The following RRP12 variants were observed in gnomAD, a reference collection of about 807,000 sequenced individuals.
RRP12 encodes the protein ribosomal RNA processing 12 homolog.
RRP12 carries 78 observed loss-of-function variants against 157.3 expected under a neutral mutation model. The ratio of observed to expected loss-of-function variants is 0.50; its 90% CI spans 0.41 to 0.60. RRP12 has a LOEUF of 0.60. Ranked by LOEUF, RRP12 falls within the 20% of genes least tolerant of loss-of-function variation. The pLI, the probability that RRP12 is intolerant of heterozygous loss-of-function variation, is 0.00. For missense variants in RRP12, 1,521 were observed against 1,679.9 expected (o/e 0.91, Z 1.65); for synonymous variants, 726 against 670.9 (o/e 1.08, Z -1.27).
At chr10:97,372,909 G>A in intron 18 of RRP12, 106 bp from the exon 19 acceptor site, 2 of 1,440,326 alleles carry the variant, frequency 1.4e-6, no homozygotes, top group South Asian at 1.2e-5. Context: ...CCCCAGCCCT[G>A]CCCAAGCCAT....
rs372544038 is a variant in RRP12, at chr10:97,357,302, G to A, written c.3792-106C>T. ...CAGCGCCAGCAGGGATGAGAAGGGGGCCTCCAGGTGGTGGCCAGCACATGA... is the reference window on the plus strand; with the variant it reads ...CAGCGCCAGCAGGGATGAGAAGGGGACCTCCAGGTGGTGGCCAGCACATGA... On this transcript the variant is annotated intron_variant, in intron 33 of 33. Coordinates refer to ENST00000370992, the MANE Select transcript of RRP12 (RefSeq NM_015179.4). The A allele has an allele frequency of 4.9e-5, 33 of 672,876 alleles. No individual in the cohort carries two copies. The African/African-American group carries it at 6.0e-4, about 12-fold the overall frequency. 41.7% of individuals were successfully genotyped at this position (672,876 alleles called of 1,614,324 possible). A position where few individuals can be genotyped will look rare whatever the true frequency, so the allele number is the denominator to read the frequency against.
chr10:97,388,030 C>G (rs1184160441), intron 8 of RRP12: 1 of 557,576 alleles, frequency 1.8e-6, no homozygotes. Flanking sequence ...ACAGATCCAC[C>G]CTGACTCTGA....
chr10:97,375,350 T>C (rs1042303300), intron 15 of RRP12, among the ~76,000 whole-genome samples: 2 of 152,100 alleles, frequency 1.3e-5, no homozygotes, highest in Admixed American at 1.3e-4. Context: ...ACAATCCTTC[T>C]GCCTCAGACT....
intron 4 of RRP12, 42 bp from the exon 5 acceptor site, chr10:97,390,886 A>G (rs769043665): frequency 3.0e-6 from 4 of 1,328,724 alleles, no homozygotes; most frequent in Non-Finnish European, 4.3e-6. Context: ...AGGGTCCCTG[A>G]AGAGCAGCTG....
intron 29 of RRP12, among the ~76,000 whole-genome samples, chr10:97,365,563 A>G (rs1291305858): frequency 6.6e-6 from 1 of 151,968 alleles, no homozygotes. Flanking sequence ...GTGAGCCACC[A>G]CGCCTGGCGA....
chr10:97,369,658 G>A, intron 24 of RRP12, 76 bp from the exon 25 acceptor site: 2 of 1,435,374 alleles, frequency 1.4e-6, no homozygotes, highest in Non-Finnish European at 1.9e-6. Context: ...CTGGAAAACA[G>A]CCACTCAAGT....
intron 23 of RRP12, 86 bp downstream of exon 23, chr10:97,370,369 C>G (rs570500257): frequency 2.9e-6 from 4 of 1,360,752 alleles, no homozygotes; most frequent in African/African-American, 2.9e-5. Flanking sequence ...GGCCAGGGCA[C>G]AGAGCTCTCC....
intron 4 of RRP12, among the ~76,000 whole-genome samples, chr10:97,392,428 C>A (rs894076342): frequency 1.7e-4 from 26 of 152,328 alleles, no homozygotes; most frequent in African/African-American, 6.3e-4. Context: ...TGGCTCAATG[C>A]AACCTCCACA....
intron 6 of RRP12, among the ~76,000 whole-genome samples, chr10:97,389,769 G>C (rs1844749260): frequency 6.6e-6 from 1 of 151,982 alleles, no homozygotes. Context: ...CTGGAGTGCA[G>C]TGGTGCAATC....
chr10:97,393,524 C>T (rs1279630531), intron 4 of RRP12, 160 bp downstream of exon 4: 4 of 700,418 alleles, frequency 5.7e-6, no homozygotes, highest in African/African-American at 5.2e-5. Flanking sequence ...AGGCCTACGA[C>T]GGTATGTCAC....
intron 15 of RRP12, among the ~76,000 whole-genome samples, chr10:97,374,388 C>G (rs1326494196): frequency 6.6e-6 from 1 of 152,090 alleles, no homozygotes; most frequent in Non-Finnish European, 1.5e-5. Flanking sequence ...TCTCGAATTC[C>G]TAAGTTTGAG....
Position 97,367,086 on chromosome 10 carries a change from C to G in RRP12, c.3002G>C (p.Arg1001Pro). ...GGTGAACAGGTTCCGAAGCTTCATG[C>G]GGAAGTGCCGCCGCATGTCATCTGA... ...KLSDDMRRHF[R>P]MKLRNLFTKF... The change falls in exon 26 of 34, where the codon CGC becomes CCC. Residue 1001 changes from arginine to proline, a missense_variant. By Grantham distance (103) the Arg-to-Pro change is moderately radical. Coordinates refer to ENST00000370992, the MANE Select transcript of RRP12 (RefSeq NM_015179.4). 1 of 1,614,168 alleles carries G rather than the reference C, an allele frequency of 6.2e-7. No individual in the cohort carries two copies. The highest frequency in any genetic ancestry group is 8.5e-7 in the Non-Finnish European group (1 of 1,180,024).
At position 97,379,398 on chromosome 10, in the gene RRP12, G is replaced by A. The variant is rs1455850610; in HGVS notation, c.1693C>T (p.Pro565Ser). The change falls in exon 15 of 34, where the codon CCA becomes TCA. Residue 565 changes from proline to serine, a missense_variant. Physicochemically the swap from Pro to Ser is moderately conservative, Grantham distance 74. Transcript: ENST00000370992. ...ATGACAGGCAGCAGCCAGCTCCGTG[G>A]GAAATCCAGAGTCTCCCTGGGAAGA... Reference protein sequence around the residue: ...IDGSEETLDFPRSWLLPVIRD... With the variant: ...IDGSEETLDFSRSWLLPVIRD... 6.2e-7 allele frequency: 1 copy of A among 1,614,078 alleles called. No individual in the cohort carries two copies. Among genetic ancestry groups the A allele is most frequent in the South Asian group, 1.1e-5 (1 of 91,064 alleles).
At chr10:97,398,036 C>CATATATATATATATATAT (rs1564772585) in intron 2 of RRP12, among the ~76,000 whole-genome samples, 1 of 35,670 alleles carries the variant, frequency 2.8e-5, no homozygotes, top group Non-Finnish European at 5.1e-5. Flanking sequence ...TATATATATA[C>CATATATATATATATATAT]GTATTTTTTT....
At chr10:97,390,912 G>T in intron 4 of RRP12, 68 bp from the exon 5 acceptor site, 1 of 1,052,116 alleles carries the variant, frequency 9.5e-7, no homozygotes, top group Non-Finnish European at 1.5e-6. Context: ...GCCCCTCGTG[G>T]TACTAAGGAG....
chr10:97,392,040 G>A (rs933278051), intron 4 of RRP12, among the ~76,000 whole-genome samples: 2 of 149,374 alleles, frequency 1.3e-5, no homozygotes, highest in Admixed American at 6.7e-5. Context: ...GGTCTCACTC[G>A]TCACCCAAGC....
chr10:97,370,876 T>C (rs1795469002), intron 21 of RRP12, 47 bp downstream of exon 21: 1 of 1,611,100 alleles, frequency 6.2e-7, no homozygotes, highest in Non-Finnish European at 8.5e-7. Flanking sequence ...CCTTTCCTGG[T>C]GTTGCCCAGG....
intron 21 of RRP12, 32 bp downstream of exon 21, chr10:97,370,891 C>T (rs1844129582): frequency 6.2e-7 from 1 of 1,612,824 alleles, no homozygotes; most frequent in African/African-American, 1.3e-5. Context: ...CCCAGGCTCC[C>T]TCGGCAGAGC....
At position 97,366,163 on chromosome 10, in the gene RRP12, C is replaced by CGAAAAAAAAA; in HGVS notation, c.3461_3462insTTTTTTTTTC (p.Ile1155PhefsTer25). 6.2e-7 allele frequency: 1 copy of CGAAAAAAAAA among 1,608,914 alleles called. No individual in the cohort carries two copies. Reference sequence around the variant, plus strand: ...TGCCGTCTGCCTCCTCCCTTATGATCAGCCGGCCATCGGCGCTCACCTTGA... The same window carrying CGAAAAAAAAA: ...TGCCGTCTGCCTCCTCCCTTATGATCGAAAAAAAAAAGCCGGCCATCGGCGCTCACCTTGA... On this transcript the variant is annotated frameshift_variant, in exon 29 of 34. Coordinates refer to ENST00000370992, the MANE Select transcript of RRP12 (RefSeq NM_015179.4). LOFTEE classifies it high-confidence loss of function.
Sources: allele counts gnomAD v4.1 joint callset (sites outside exome capture counted in the v4.1 genomes callset), GRCh38; gene constraint gnomAD v4.1.1; transcripts MANE v1.5; gene names NCBI Gene and HGNC (gene_info 2026-07-23, HGNC 2026-07-21).